ALK: variants seen among roughly 807,000 people sequenced by gnomAD.
ALK encodes ALK tyrosine kinase receptor.
ALK carries 74 observed loss-of-function variants against 163.1 expected under a neutral mutation model. The ratio of observed to expected loss-of-function variants is 0.45; its 90% CI spans 0.38 to 0.55. The LOEUF is 0.55. Ranked by LOEUF, ALK falls within the 20% of genes least tolerant of loss-of-function variation. ALK has a pLI of 0.00. For missense variants in ALK, 2,063 were observed against 2,105.3 expected (o/e 0.98, Z 0.39); for synonymous variants, 960 against 843.2 (o/e 1.14, Z -2.40).
chr2:29,750,761 GAGAA>G (rs1474661665), intron 1 of ALK, among the ~76,000 whole-genome samples: 1 of 150,318 alleles, frequency 6.7e-6, no homozygotes, highest in Non-Finnish European at 1.5e-5. Context: ...AAGAGAGAAA[GAGAA>G]AGAAAGAGAA....
At chr2:29,432,780 A>G (rs545286766) in intron 4 of ALK, among the ~76,000 whole-genome samples, 39 of 150,758 alleles carry the variant, frequency 2.6e-4, no homozygotes, top group African/African-American at 9.5e-4. Flanking sequence ...TTGCGCATCA[A>G]TTGATCTGGA....
intron 8 of ALK, among the ~76,000 whole-genome samples, chr2:29,311,326 C>T (rs529965974): frequency 4.7e-4 from 71 of 152,190 alleles, no homozygotes; most frequent in African/African-American, 1.1e-3. Flanking sequence ...TTGGGGCTTC[C>T]GAAAACGGCA....
In ALK at chr2:29,920,064, C is replaced by T. The variant is rs1292996434; in HGVS notation, c.596G>A (p.Gly199Asp). Residue 199 changes from glycine (G) to aspartate (D), a missense_variant, in exon 1 of 29, where the codon GGC (glycine) becomes GAC (aspartate). Gly to Asp is a moderately conservative substitution (Grantham distance 94). This residue lies in a region of ALK where 987 missense variants were observed against 939.5 expected (regional missense o/e 1.05). Transcript: ENST00000389048. ...TGCCGCGGACAGCCTTCCCTCTCTG[C>T]CCACTTCCGACGCCTTCTTCTCGGG... ...LMPEKKASEV[G>D]REGRLSAAIR... 6.2e-7 allele frequency: 1 copy of T among 1,614,210 alleles called. No individual in the cohort carries two copies. The highest frequency in any genetic ancestry group is 8.5e-7 in the Non-Finnish European group (1 of 1,180,052).
intron 26 of ALK, among the ~76,000 whole-genome samples, chr2:29,200,740 C>CGTATATACATACGTATATAT (rs1558608574): frequency 5.3e-5 from 7 of 131,336 alleles, no homozygotes; most frequent in Non-Finnish European, 7.9e-5. Context: ...TATATATATA[C>CGTATATACATACGTATATAT]GTATATATAT....
At position 29,717,611 on chromosome 2, in the gene ALK, A is replaced by G; in HGVS notation, c.754T>C (p.Ser252Pro). The change falls in exon 2 of 29, where the codon TCC (serine) becomes CCC (proline). Residue 252 changes from serine (S) to proline (P), a missense_variant. By Grantham distance (74) the Ser-to-Pro change is moderately conservative. Around this residue, in one of 5 missense-constraint regions of ALK, gnomAD observed 987 missense variants for 939.5 expected, o/e 1.05. Transcript: ENST00000389048. ...TWNLTWIMKD[S>P]FPFLSHRSRY... ...CTGCGATGAGACAGGAAAGGGAAGG[A>G]GTCTTTCATTATCCAGGTGAGATTC... The G allele has an allele frequency of 6.2e-7, 1 of 1,614,052 alleles. No homozygotes were observed. Among genetic ancestry groups the G allele is most frequent in the Non-Finnish European group, 8.5e-7 (1 of 1,179,910 alleles).
intron 3 of ALK, among the ~76,000 whole-genome samples, chr2:29,549,679 C>T (rs1673664792): frequency 5.3e-5 from 8 of 152,084 alleles, no homozygotes; most frequent in Admixed American, 2.0e-4. Context: ...TAAAATACAT[C>T]TCAAGTATTT....
chr2:29,241,696 G>A (rs940087953), intron 12 of ALK, among the ~76,000 whole-genome samples: 18 of 152,126 alleles, frequency 1.2e-4, no homozygotes, highest in Admixed American at 1.0e-3. Context: ...GCTGAGGGCT[G>A]TAGGTTTGGA....
intron 3 of ALK, among the ~76,000 whole-genome samples, chr2:29,670,350 T>C (rs73921150): frequency 0.032 from 4,871 of 152,122 alleles, 283 homozygotes; most frequent in African/African-American, 0.11. Context: ...CATTCCTTCC[T>C]GGCCTACTTA....
At chr2:29,685,397 A>G (rs1678206309) in intron 3 of ALK, among the ~76,000 whole-genome samples, 1 of 152,246 alleles carries the variant, frequency 6.6e-6, no homozygotes, top group South Asian at 2.1e-4. Context: ...ACAAGAGCCA[A>G]ACTCCCAGAT....
intron 3 of ALK, among the ~76,000 whole-genome samples, chr2:29,535,000 AC>A (rs1317315926): frequency 2.0e-5 from 3 of 152,234 alleles, no homozygotes; most frequent in Non-Finnish European, 2.9e-5. Context: ...GCTTTCCTCT[AC>A]CAAAAATAAG....
chr2:29,219,994 T>C (rs1040562067), intron 23 of ALK, among the ~76,000 whole-genome samples: 2 of 152,166 alleles, frequency 1.3e-5, no homozygotes, highest in African/African-American at 4.8e-5. Context: ...CCCAGGTCAG[T>C]TGCTTGAGTA....
intron 4 of ALK, among the ~76,000 whole-genome samples, chr2:29,480,050 T>C (rs7557480): frequency 0.02 from 3,084 of 152,292 alleles, 46 homozygotes; most frequent in African/African-American, 0.043. Flanking sequence ...TAAAAATACA[T>C]GTGACTTTGT....
chr2:29,745,567 C>T (rs1289670230), intron 1 of ALK, among the ~76,000 whole-genome samples: 1 of 152,176 alleles, frequency 6.6e-6, no homozygotes, highest in African/African-American at 2.4e-5. Flanking sequence ...CTACCTTATG[C>T]ACTAATGAAA....
At chr2:29,653,271 C>T (rs1253420909) in intron 3 of ALK, among the ~76,000 whole-genome samples, 1 of 152,060 alleles carries the variant, frequency 6.6e-6, no homozygotes, top group Non-Finnish European at 1.5e-5. Flanking sequence ...TCCACCCTCA[C>T]CTGGATAGTT....
At chr2:29,483,764 T>C (rs1310518428) in intron 4 of ALK, among the ~76,000 whole-genome samples, 3 of 152,238 alleles carry the variant, frequency 2.0e-5, no homozygotes, top group Non-Finnish European at 4.4e-5. Context: ...TTAGATCTTA[T>C]GCTTATTGCT....
intron 3 of ALK, among the ~76,000 whole-genome samples, chr2:29,547,470 G>C (rs570542391): frequency 6.6e-6 from 1 of 152,088 alleles, no homozygotes; most frequent in African/African-American, 2.4e-5. Flanking sequence ...GGTGGCGTGC[G>C]CCTGTAGTCC....
intron 1 of ALK, chr2:29,892,233 G>A (rs1667164816): frequency 6.6e-6 from 1 of 152,180 alleles, no homozygotes; most frequent in Non-Finnish European, 1.5e-5. Flanking sequence ...TCCAATCTGA[G>A]AATATTCAGC....
chr2:29,831,097 AG>A lies in ALK; in HGVS notation c.667+88895del, dbSNP rs1284855325. 4.5e-4 allele frequency among the ~76,000 whole-genome samples: 26 copies of A among 57,604 alleles called. 2 individuals carry two copies. In the South Asian group the frequency reaches 0.01, roughly 23 times the overall value. 37.8% of individuals were successfully genotyped at this position (57,604 alleles called of 152,430 possible). ...GAGGAGGAGGAGGAGGAGGAGGAGGAGGAGGAGGAGGAGAAGAAGAAGAAGA... is the reference window on the plus strand; with the variant it reads ...GAGGAGGAGGAGGAGGAGGAGGAGGAGAGGAGGAGGAGAAGAAGAAGAAGA... On this transcript the variant is annotated intron_variant, in intron 1 of 28. Coordinates refer to ENST00000389048, the MANE Select transcript of ALK (RefSeq NM_004304.5).
intron 5 of ALK, among the ~76,000 whole-genome samples, chr2:29,347,819 G>T (rs1415554547): frequency 6.6e-6 from 1 of 152,154 alleles, no homozygotes; most frequent in Non-Finnish European, 1.5e-5. Flanking sequence ...CTATAACTGG[G>T]ATTTACTCTA....
Sources: gnomAD v4.1 joint callset for allele counts (sites outside exome capture counted in the v4.1 genomes callset) on GRCh38, gnomAD v4.1.1 for gene constraint, gnomAD v4.1.1 regional missense constraint, MANE v1.5 for transcripts, NCBI Gene and HGNC (gene_info 2026-07-23, HGNC 2026-07-21) for gene names.